SEMA4F: variants seen among roughly 807,000 people sequenced by gnomAD.
SEMA4F encodes the protein ssemaphorin 4F.
In SEMA4F, 51 loss-of-function variants were observed where a neutral mutation model predicts 78.4. That is an observed-to-expected ratio of 0.65 (90% CI 0.52 to 0.82). The LOEUF (loss-of-function observed/expected upper bound fraction) is 0.82. Among genes scored for constraint, SEMA4F ranks in the 40% least tolerant of loss-of-function variants. The pLI, the probability that SEMA4F is intolerant of heterozygous loss-of-function variation, is 0.00. For missense variants in SEMA4F, 938 were observed against 1,014.4 expected, an observed-to-expected ratio of 0.92 and a Z score of 1.02; for synonymous variants, 418 against 408.7, an observed-to-expected ratio of 1.02 and a Z score of -0.27.
chr2:74,673,960 T>G, intron 7 of SEMA4F, 132 bp downstream of exon 7: 1 of 1,112,128 alleles, frequency 9.0e-7, no homozygotes, highest in Non-Finnish European at 1.3e-6. Flanking sequence ...ACTTCTCTTC[T>G]GGGAGCTTGA....
chr2:74,672,671 C>T (rs928637165), intron 5 of SEMA4F, among the ~76,000 whole-genome samples: 32 of 152,248 alleles, frequency 2.1e-4, no homozygotes, highest in African/African-American at 7.7e-4. Flanking sequence ...GCTGAACCCC[C>T]CTTCCTTCTC....
intron 7 of SEMA4F, 146 bp from the exon 8 acceptor site, chr2:74,674,352 T>C (rs1245450072): frequency 3.0e-6 from 2 of 670,126 alleles, no homozygotes; most frequent in Non-Finnish European, 5.1e-6. Flanking sequence ...CTACTCTGTG[T>C]GGCTCTCTGT....
Position 74,654,646 on chromosome 2 carries a change from C to A in SEMA4F, c.145+125C>A, listed in dbSNP as rs374091544. ...CTGGTGTATGGCGTTTCACGCCGCC[C>A]ACGCCCCGCCGGGACCGGGGCGAGA... On this transcript the variant is annotated intron_variant, in intron 1 of 13. Coordinates refer to ENST00000357877, the MANE Select transcript of SEMA4F (RefSeq NM_004263.5). 962 of 797,746 alleles carry A rather than the reference C, an allele frequency of 1.2e-3. 5 individuals carry two copies. The African/African-American group carries it at 0.016, about 13-fold the overall frequency. 49.4% of individuals were successfully genotyped at this position (797,746 alleles called of 1,614,324 possible). A position where few individuals can be genotyped will look rare whatever the true frequency, so the allele number is the denominator to read the frequency against.
chr2:74,673,517 G>A lies in SEMA4F; in HGVS notation c.611G>A (p.Arg204Lys). 6.2e-7 allele frequency: 1 copy of A among 1,614,184 alleles called. No homozygotes were observed. ...NYLGTEPIIT[R>K]AVGRAEDWIR... is the part of the protein sequence containing the mutation. The stretch of plus-strand genomic sequence containing the variant: ...CTGGGGACGGAGCCAATTATCACCA[G>A]AGCAGTGGGTCGTGCCGAGGACTGG... The change falls in exon 6 of 14, where the codon AGA becomes AAA. Residue 204 changes from arginine (R) to lysine (K), a missense_variant. Arg to Lys is a conservative substitution (Grantham distance 26). Transcript: ENST00000357877.
chr2:74,656,809 G>T (rs1241289185), intron 2 of SEMA4F, 124 bp downstream of exon 2: 1 of 1,085,152 alleles, frequency 9.2e-7, no homozygotes, highest in South Asian at 1.5e-5. Flanking sequence ...GTAGGAGGGG[G>T]TGAGTTGGGA....
At chr2:74,686,263 C>G (rs1330187420), downstream of SEMA4F, among the ~76,000 whole-genome samples, 1 of 152,106 alleles carries the variant, frequency 6.6e-6, no homozygotes. Context: ...CCACGCCCGG[C>G]TAATTTTTTG....
chr2:74,661,362 T>C (rs191046190), intron 4 of SEMA4F, among the ~76,000 whole-genome samples: 78 of 152,348 alleles, frequency 5.1e-4, no homozygotes, highest in African/African-American at 1.7e-3. Flanking sequence ...AAAGTTATTA[T>C]TAAGTCAGTG....
At chr2:74,667,302 GTCA>G (rs1178848339) in intron 5 of SEMA4F, among the ~76,000 whole-genome samples, 1 of 152,160 alleles carries the variant, frequency 6.6e-6, no homozygotes, top group Non-Finnish European at 1.5e-5. Context: ...TTGCATATGA[GTCA>G]ATCCAAAAAG....
rs779934283 is a variant in SEMA4F at position 74,675,619 on chromosome 2, C to T, written c.1467C>T (p.Asn489=). The T allele has an allele frequency of 1.9e-5, 31 of 1,613,984 alleles. No individual in the cohort carries two copies. Among genetic ancestry groups the T allele is most frequent in the African/African-American group, 2.7e-5 (2 of 74,926 alleles). Residue 489 remains asparagine (N), a synonymous_variant, in exon 11 of 14, where the codon AAC becomes AAT. Transcript: ENST00000357877. ...ALFPEPQPVE[N]MKLYHSWLLV... ...TCCCAGAGCCACAGCCAGTTGAGAACATGAAATTGTACCACGTGAGTTGTA... is the reference window on the plus strand; with the variant it reads ...TCCCAGAGCCACAGCCAGTTGAGAATATGAAATTGTACCACGTGAGTTGTA...
At chr2:74,668,718 C>T (rs1255703490) in intron 5 of SEMA4F, among the ~76,000 whole-genome samples, 1 of 150,876 alleles carries the variant, frequency 6.6e-6, no homozygotes, top group Non-Finnish European at 1.5e-5. Flanking sequence ...TCAAGTGATT[C>T]TCCTGTCTTG....
intron 5 of SEMA4F, among the ~76,000 whole-genome samples, chr2:74,663,519 C>T (rs2104941299): frequency 6.6e-6 from 1 of 152,274 alleles, no homozygotes; most frequent in East Asian, 1.9e-4. Context: ...TTATTTGGCT[C>T]ATGGTTCTGG....
the SEMA4F span, among the ~76,000 whole-genome samples, chr2:74,704,728 A>G: frequency 3.3e-5 from 5 of 152,002 alleles, no homozygotes; most frequent in African/African-American, 1.2e-4. Flanking sequence ...GTCTCCAATA[A>G]TGCTCCCAGC....
intron 4 of SEMA4F, among the ~76,000 whole-genome samples, 194 bp from the exon 5 acceptor site, chr2:74,662,538 A>G (rs1376475956): frequency 2.0e-5 from 3 of 152,178 alleles, no homozygotes; most frequent in African/African-American, 4.8e-5. Context: ...AAAGGATAGC[A>G]GAGATGAGAA....
At chr2:74,708,837 TA>T in the SEMA4F span, among the ~76,000 whole-genome samples, 5 of 152,108 alleles carry the variant, frequency 3.3e-5, no homozygotes, top group African/African-American at 1.2e-4. Flanking sequence ...AATTTAAAAA[TA>T]GAATGTCTCA....
intron 5 of SEMA4F, among the ~76,000 whole-genome samples, chr2:74,672,296 A>C (rs1437639075): frequency 1.3e-5 from 2 of 152,006 alleles, no homozygotes; most frequent in Admixed American, 1.3e-4. Flanking sequence ...CCATCTGGCA[A>C]ATTTCTCATT....
intron 5 of SEMA4F, among the ~76,000 whole-genome samples, chr2:74,663,081 T>C (rs910886466): frequency 2.0e-5 from 3 of 152,250 alleles, no homozygotes; most frequent in African/African-American, 7.2e-5. Flanking sequence ...AACCTCATTT[T>C]CTTTTCTCAT....
chr2:74,675,505 G>A lies in SEMA4F; in HGVS notation c.1373-20G>A, dbSNP rs377346956. Reference sequence around the variant, plus strand: ...CAGGGGCAATTATGTAATTATTCTTGTTCCTTTCCTGTCCCCTAGAGGATG... The same window carrying A: ...CAGGGGCAATTATGTAATTATTCTTATTCCTTTCCTGTCCCCTAGAGGATG... On this transcript the variant is annotated intron_variant, in intron 10 of 13. Transcript: ENST00000357877. 5 of 1,609,586 alleles carry A rather than the reference G, an allele frequency of 3.1e-6. No individual in the cohort carries two copies. The highest frequency in any genetic ancestry group is 3.4e-6 in the Non-Finnish European group (4 of 1,175,950).
At chr2:74,655,182 C>T (rs994326978) in intron 1 of SEMA4F, 47 of 269,592 alleles carry the variant, frequency 1.7e-4, no homozygotes, top group South Asian at 9.0e-4. Context: ...CAGTGTTCCT[C>T]GCTGCCTCTG....
downstream of SEMA4F, among the ~76,000 whole-genome samples, chr2:74,688,534 A>C (rs564116326): frequency 4.0e-4 from 61 of 152,366 alleles, no homozygotes; most frequent in African/African-American, 1.3e-3. Flanking sequence ...GAAATAATAC[A>C]CATGATTAAT....
Sources: allele counts gnomAD v4.1 joint callset (sites outside exome capture counted in the v4.1 genomes callset), GRCh38; gene constraint gnomAD v4.1.1; transcripts MANE v1.5; gene names NCBI Gene and HGNC (gene_info 2026-07-23, HGNC 2026-07-21).